POPDC1: variants seen among roughly 807,000 people sequenced by gnomAD.
POPDC1 encodes popeye domain-containing protein 1.
the POPDC1 span, among the ~76,000 whole-genome samples, chr6:105,101,848 G>A: frequency 6.6e-6 from 1 of 152,140 alleles, no homozygotes; most frequent in Non-Finnish European, 1.5e-5. Context: ...TTAATCAAAG[G>A]AACCAGGCAG....
At chr6:105,117,152 C>T in the POPDC1 span, among the ~76,000 whole-genome samples, 2 of 152,196 alleles carry the variant, frequency 1.3e-5, no homozygotes, top group African/African-American at 2.4e-5. Flanking sequence ...ATTGATACCG[C>T]TGCTGGAGCA....
the POPDC1 span, chr6:105,116,849 T>A: frequency 6.2e-7 from 1 of 1,612,154 alleles, no homozygotes; most frequent in Non-Finnish European, 8.5e-7. Flanking sequence ...TCTGCAGTTA[T>A]CATCTGCAAT....
chr6:105,132,015 G>C, the POPDC1 span, among the ~76,000 whole-genome samples: 2 of 150,428 alleles, frequency 1.3e-5, no homozygotes, highest in Non-Finnish European at 2.9e-5. Context: ...CGCCAGGTTG[G>C]AGTGCAGTGG....
At chr6:105,132,447 C>G in the POPDC1 span, among the ~76,000 whole-genome samples, 4 of 152,174 alleles carry the variant, frequency 2.6e-5, no homozygotes, top group African/African-American at 9.7e-5. Context: ...TCCTACTAAG[C>G]CTATCACCTT....
chr6:105,117,375 C>T, the POPDC1 span, among the ~76,000 whole-genome samples: 93 of 152,262 alleles, frequency 6.1e-4, no homozygotes, highest in Middle Eastern at 0.017. Context: ...CTGATGAATA[C>T]GGCTGGTGAG....
At chr6:105,107,397 C>A in the POPDC1 span, among the ~76,000 whole-genome samples, 7 of 152,130 alleles carry the variant, frequency 4.6e-5, no homozygotes, top group African/African-American at 1.7e-4. Context: ...TACAGGAGAG[C>A]CTGAAGGCCT....
chr6:105,120,573 G>A, the POPDC1 span, among the ~76,000 whole-genome samples: 7 of 152,154 alleles, frequency 4.6e-5, no homozygotes, highest in Admixed American at 2.0e-4. Context: ...AAGCAAATAC[G>A]GCAACAGAAT....
At chr6:105,135,798 G>A in the POPDC1 span, among the ~76,000 whole-genome samples, 1 of 151,852 alleles carries the variant, frequency 6.6e-6, no homozygotes, top group South Asian at 2.1e-4. Context: ...ACCTATTGTC[G>A]AAAATATTGA....
At chr6:105,116,989 T>C in the POPDC1 span, 1 of 1,010,410 alleles carries the variant, frequency 9.9e-7, no homozygotes, top group Non-Finnish European at 1.4e-6. Flanking sequence ...TTTGTCAAAT[T>C]ATAAAAAAAA....
At chr6:105,120,497 C>A in the POPDC1 span, among the ~76,000 whole-genome samples, 3 of 152,176 alleles carry the variant, frequency 2.0e-5, no homozygotes, top group Non-Finnish European at 2.9e-5. Context: ...AATAAATTTA[C>A]TTCTTATTAG....
At chr6:105,131,095 A>G in the POPDC1 span, among the ~76,000 whole-genome samples, 2 of 152,198 alleles carry the variant, frequency 1.3e-5, no homozygotes. Context: ...CAGTATATAC[A>G]TTTAAAATAA....
chr6:105,104,650 C>G, the POPDC1 span, among the ~76,000 whole-genome samples: 2 of 152,148 alleles, frequency 1.3e-5, no homozygotes, highest in Admixed American at 6.5e-5. Context: ...TGTCATCACT[C>G]TACTTTGTAG....
chr6:105,119,585 A>C, the POPDC1 span, among the ~76,000 whole-genome samples: 1 of 152,228 alleles, frequency 6.6e-6, no homozygotes, highest in Non-Finnish European at 1.5e-5. Flanking sequence ...TGGTGTCCTC[A>C]TGAGGGCCCA....
the POPDC1 span, chr6:105,100,813 A>C: frequency 1.3e-5 from 3 of 227,032 alleles, no homozygotes; most frequent in African/African-American, 6.8e-5. Context: ...AAGTTAAAAC[A>C]ATAATATATC....
chr6:105,124,805 G>A, the POPDC1 span: 1 of 627,512 alleles, frequency 1.6e-6, no homozygotes, highest in Non-Finnish European at 2.7e-6. Flanking sequence ...CACTTCTTGA[G>A]GCACAAGTAT....
At chr6:105,114,649 C>T in the POPDC1 span, among the ~76,000 whole-genome samples, 1 of 152,166 alleles carries the variant, frequency 6.6e-6, no homozygotes, top group Non-Finnish European at 1.5e-5. Context: ...GTTTTTATAC[C>T]ATCATTCTTA....
chr6:105,116,405 T>C, the POPDC1 span, among the ~76,000 whole-genome samples: 1 of 152,210 alleles, frequency 6.6e-6, no homozygotes, highest in African/African-American at 2.4e-5. Flanking sequence ...TGCCCTGTCC[T>C]CCCTAACTTA....
the POPDC1 span, chr6:105,129,467 C>T: frequency 2.5e-4 from 397 of 1,612,440 alleles, no homozygotes; most frequent in Non-Finnish European, 3.2e-4. Context: ...CAAGGCACAT[C>T]GGTAGAGAGT....
the POPDC1 span, chr6:105,099,262 A>T: frequency 1.3e-5 from 2 of 152,216 alleles, no homozygotes; most frequent in Non-Finnish European, 2.9e-5. Flanking sequence ...CCGAGCATGT[A>T]AATTTAACTC....
Sources: gnomAD v4.1 joint callset for allele counts (sites outside exome capture counted in the v4.1 genomes callset) on GRCh38, gnomAD v4.1.1 for gene constraint, MANE v1.5 for transcripts, NCBI Gene and HGNC (gene_info 2026-07-23, HGNC 2026-07-21) for gene names.